The following TSPAN5 variants were observed in gnomAD, a reference collection of about 807,000 sequenced individuals.
The protein encoded by TSPAN5 is tetraspanin-5.
A neutral mutation model predicts 37.1 loss-of-function variants in TSPAN5; 10 were observed. The ratio of observed to expected loss-of-function variants is 0.27; its 90% CI spans 0.17 to 0.46. The LOEUF is 0.46. TSPAN5 is among the 20% of genes least tolerant of loss of function. The pLI is 1.00. For synonymous variants in TSPAN5, 110 were observed against 118.9 expected (o/e 0.93, Z 0.48); for missense variants, 195 against 326.6 (o/e 0.60, Z 3.11).
intron 2 of TSPAN5, among the ~76,000 whole-genome samples, chr4:98,502,011 T>C (rs1173675453): frequency 6.6e-6 from 1 of 152,166 alleles, no homozygotes; most frequent in Non-Finnish European, 1.5e-5. Flanking sequence ...AATCGGATTT[T>C]CAATATAGTT....
rs750078260 is a variant in TSPAN5, at chr4:98,486,735, T to C, written c.279+3A>G. 2 of 1,614,020 alleles carry C rather than the reference T, an allele frequency of 1.2e-6. No homozygotes were observed. Among genetic ancestry groups the C allele is most frequent in the East Asian group, 2.2e-5 (1 of 44,874 alleles). On this transcript the variant is annotated splice_donor_region_variant and intron_variant, in intron 3 of 7. Coordinates refer to ENST00000305798, the MANE Select transcript of TSPAN5 (RefSeq NM_005723.4). ...ATCTGAGAGTAGAGAGTGGAATACT[T>C]ACAAACTTGAGAAGGAAAGTGTTTT...
intron 1 of TSPAN5, among the ~76,000 whole-genome samples, chr4:98,642,834 A>C (rs1048320114): frequency 4.6e-5 from 7 of 152,334 alleles, no homozygotes; most frequent in Admixed American, 2.0e-4. Context: ...AGGCTTATAG[A>C]CTAAGGATAT....
chr4:98,485,037 C>A, intron 3 of TSPAN5: 1 of 156,346 alleles, frequency 6.4e-6, no homozygotes, highest in Non-Finnish European at 1.4e-5. Context: ...CGCTTGAATC[C>A]AGGAGGCAGA....
chr4:98,633,814 T>C (rs1286716092), intron 1 of TSPAN5, among the ~76,000 whole-genome samples: 1 of 152,198 alleles, frequency 6.6e-6, no homozygotes, highest in African/African-American at 2.4e-5. Flanking sequence ...GCACGATGGC[T>C]GACGCCTGTA....
chr4:98,640,454 G>A (rs1001758394), intron 1 of TSPAN5, among the ~76,000 whole-genome samples: 1 of 152,152 alleles, frequency 6.6e-6, no homozygotes, highest in Admixed American at 6.6e-5. Context: ...AAACAAAACA[G>A]GTAGGTCTGT....
At chr4:98,638,506 T>C (rs145254395) in intron 1 of TSPAN5, among the ~76,000 whole-genome samples, 89 of 152,330 alleles carry the variant, frequency 5.8e-4, no homozygotes, top group African/African-American at 1.9e-3. Context: ...TTATATGTAA[T>C]ACACCGGCAT....
intron 1 of TSPAN5, among the ~76,000 whole-genome samples, chr4:98,656,638 CA>C (rs1171582216): frequency 1.1e-4 from 16 of 152,076 alleles, no homozygotes; most frequent in Non-Finnish European, 2.4e-4. Context: ...ACAACACTGG[CA>C]AAAAACTGCC....
chr4:98,631,204 G>C (rs546633224), intron 1 of TSPAN5, among the ~76,000 whole-genome samples: 1 of 152,194 alleles, frequency 6.6e-6, no homozygotes, highest in South Asian at 2.1e-4. Context: ...CAAGGCCTGC[G>C]CATCTCCTAC....
intron 1 of TSPAN5, among the ~76,000 whole-genome samples, chr4:98,632,829 TA>T (rs774296811): frequency 3.9e-5 from 6 of 152,026 alleles, no homozygotes; most frequent in Admixed American, 6.5e-5. Context: ...GAGAAGGGAA[TA>T]AGGCTGCAGG....
At chr4:98,497,072 A>G (rs973541790) in intron 2 of TSPAN5, among the ~76,000 whole-genome samples, 3 of 152,112 alleles carry the variant, frequency 2.0e-5, no homozygotes, top group Non-Finnish European at 4.4e-5. Flanking sequence ...CACACCTGTA[A>G]TCCCAGCACT....
chr4:98,513,234 T>C (rs1036913238), intron 1 of TSPAN5, among the ~76,000 whole-genome samples: 21 of 152,094 alleles, frequency 1.4e-4, no homozygotes, highest in Non-Finnish European at 2.8e-4. Flanking sequence ...GACACGAGCA[T>C]GGACCAGCCC....
chr4:98,545,343 A>T (rs1754446454), intron 1 of TSPAN5, among the ~76,000 whole-genome samples: 1 of 152,202 alleles, frequency 6.6e-6, no homozygotes, highest in Non-Finnish European at 1.5e-5. Context: ...ATATCCCTAG[A>T]TGTTTCTGTT....
chr4:98,530,449 T>C (rs1754056162), intron 1 of TSPAN5, among the ~76,000 whole-genome samples: 1 of 152,334 alleles, frequency 6.6e-6, no homozygotes. Flanking sequence ...GCAGCTTGAT[T>C]AAGGCCAGGG....
chr4:98,602,956 A>G (rs887332732), intron 1 of TSPAN5, among the ~76,000 whole-genome samples: 11 of 152,234 alleles, frequency 7.2e-5, no homozygotes, highest in African/African-American at 2.4e-4. Flanking sequence ...AGGTGGCTGT[A>G]TGCTGTAAAG....
intron 1 of TSPAN5, among the ~76,000 whole-genome samples, chr4:98,550,151 C>A (rs2110153558): frequency 6.6e-6 from 1 of 152,190 alleles, no homozygotes; most frequent in Admixed American, 6.5e-5. Context: ...GGTGTCATTT[C>A]CCCAGTGTAC....
chr4:98,593,106 CCTGA>C (rs1219328267), intron 1 of TSPAN5, among the ~76,000 whole-genome samples: 1 of 50,318 alleles, frequency 2.0e-5, no homozygotes, highest in Non-Finnish European at 3.9e-5. Flanking sequence ...CCTGTTGTTT[CCTGA>C]CTTTTTAATG....
At chr4:98,561,894 C>T (rs568806534) in intron 1 of TSPAN5, among the ~76,000 whole-genome samples, 16 of 152,294 alleles carry the variant, frequency 1.1e-4, no homozygotes, top group Non-Finnish European at 2.2e-4. Flanking sequence ...ACCGTCGCTG[C>T]GTCCTGAAAT....
At chr4:98,595,573 A>G (rs1755744616) in intron 1 of TSPAN5, among the ~76,000 whole-genome samples, 1 of 130,550 alleles carries the variant, frequency 7.7e-6, no homozygotes, top group South Asian at 2.4e-4. Flanking sequence ...GTAGGCATTT[A>G]GTGCTATAAA....
chr4:98,646,892 C>A (rs1757081051), intron 1 of TSPAN5, among the ~76,000 whole-genome samples: 1 of 152,278 alleles, frequency 6.6e-6, no homozygotes, highest in African/African-American at 2.4e-5. Flanking sequence ...CACATATTAA[C>A]TCCTCAAATC....
Sources: gnomAD v4.1 joint callset for allele counts (sites outside exome capture counted in the v4.1 genomes callset) on GRCh38, gnomAD v4.1.1 for gene constraint, MANE v1.5 for transcripts, NCBI Gene and HGNC (gene_info 2026-07-23, HGNC 2026-07-21) for gene names.